CD109: variants seen among roughly 807,000 people sequenced by gnomAD.
CD109 encodes the protein CD109 molecule, also known as CD109 antigen.
A neutral mutation model predicts 165.8 loss-of-function variants in CD109; 149 were observed. The observed-to-expected ratio is 0.90, with a 90% CI of 0.79 to 1.03. CD109 has a LOEUF of 1.03. Ranked by LOEUF, CD109 falls within the 50% of genes least tolerant of loss-of-function variation. CD109 has a pLI of 0.00. For synonymous variants in CD109, 585 were observed against 592.1 expected (o/e 0.99, Z 0.18); for missense variants, 1,712 against 1,677.8 (o/e 1.02, Z -0.36).
chr6:73,709,080 C>A (rs1273501732), intron 2 of CD109, among the ~76,000 whole-genome samples: 4 of 152,194 alleles, frequency 2.6e-5, no homozygotes, highest in Admixed American at 6.5e-5. Context: ...TTCCCCATGC[C>A]TGTGTCCTGA....
In CD109 at chr6:73,714,731, G is replaced by A. The variant is rs1345876718; in HGVS notation, c.248-8520G>A. Reference sequence around the variant, plus strand: ...CACAAAATATTTTAGAGTTAGCTCCGCTACTGCAGTGCTTGGAGTATAACT... The same window carrying A: ...CACAAAATATTTTAGAGTTAGCTCCACTACTGCAGTGCTTGGAGTATAACT... On this transcript the variant is annotated intron_variant, in intron 2 of 32. Transcript: ENST00000287097. Among the ~76,000 whole-genome samples, 4 of 152,138 alleles carry A rather than the reference G, an allele frequency of 2.6e-5. No individual in the cohort carries two copies. The East Asian group carries it at 7.7e-4, about 29-fold the overall frequency.
chr6:73,691,756 T>C (rs1055613361), upstream of CD109, among the ~76,000 whole-genome samples: 1 of 152,196 alleles, frequency 6.6e-6, no homozygotes, highest in Non-Finnish European at 1.5e-5. Flanking sequence ...GCTCCCATGA[T>C]TGCTTAGGGT....
chr6:73,720,135 A>G (rs1189986900), intron 2 of CD109, among the ~76,000 whole-genome samples: 2 of 152,218 alleles, frequency 1.3e-5, no homozygotes, highest in Non-Finnish European at 2.9e-5. Context: ...AGTGTGGTAT[A>G]TATACGTAAT....
chr6:73,789,865 G>A (rs1326192579), intron 22 of CD109, among the ~76,000 whole-genome samples: 4 of 150,332 alleles, frequency 2.7e-5, no homozygotes, highest in Admixed American at 6.7e-5. Context: ...GGGTTCAAGC[G>A]AGTCTCCTGC....
chr6:73,782,716 A>AT lies in CD109; in HGVS notation c.2070dup (p.Pro691SerfsTer20), dbSNP rs1562065333. The AT allele has an allele frequency of 1.2e-6, 2 of 1,614,046 alleles. No individual in the cohort carries two copies. Among genetic ancestry groups the AT allele is most frequent in the Non-Finnish European group, 1.7e-6 (2 of 1,179,936 alleles). On this transcript the variant is annotated frameshift_variant, in exon 18 of 33. Coordinates refer to ENST00000287097, the MANE Select transcript of CD109 (RefSeq NM_133493.5). LOFTEE classifies it high-confidence loss of function. ...GGTAGCAGTCCACATGTCCGAAAGC[A>AT]TTTTCCAGAGACTTGGATTTGGCTA...
In CD109 at chr6:73,782,696, C is replaced by CA. The variant is rs1435011561; in HGVS notation, c.2047dup (p.Ser683LysfsTer28). ...ATATTCATGACTTTTCTTTGGGTAG[C>CA]AGTCCACATGTCCGAAAGCATTTTC... On this transcript the variant is annotated frameshift_variant, in exon 18 of 33. Transcript: ENST00000287097. LOFTEE classifies it high-confidence loss of function. 1.2e-6 allele frequency: 2 copies of CA among 1,613,770 alleles called. No individual in the cohort carries two copies. Among genetic ancestry groups the CA allele is most frequent in the Non-Finnish European group, 1.7e-6 (2 of 1,179,840 alleles).
At chr6:73,791,204 T>TATACACATACATATATAG (rs1582166217) in intron 22 of CD109, among the ~76,000 whole-genome samples, 1 of 122,834 alleles carries the variant, frequency 8.1e-6, no homozygotes. Context: ...TATATATATA[T>TATACACATACATATATAG]ATATATATAT....
intron 23 of CD109, among the ~76,000 whole-genome samples, chr6:73,795,676 G>GT (rs1171103396): frequency 6.6e-6 from 1 of 152,198 alleles, no homozygotes; most frequent in Admixed American, 6.5e-5. Context: ...CGCTACAGCT[G>GT]TAAGTAGGCG....
intron 2 of CD109, among the ~76,000 whole-genome samples, chr6:73,717,611 CTTTTTTTTTTTTT>C (rs779915655): frequency 8.0e-5 from 6 of 74,810 alleles, no homozygotes; most frequent in Admixed American, 5.4e-4. Context: ...TCTACTGATT[CTTTTTTTTTTTTT>C]TTTTTTTTTT....
At chr6:73,795,049 A>C (rs900881314) in intron 23 of CD109, among the ~76,000 whole-genome samples, 11 of 150,048 alleles carry the variant, frequency 7.3e-5, no homozygotes, top group Non-Finnish European at 1.6e-4. Context: ...GAGATAAGTA[A>C]AAATTATTTG....
chr6:73,801,039 A>G (rs1582181748), intron 23 of CD109, among the ~76,000 whole-genome samples: 2 of 152,326 alleles, frequency 1.3e-5, no homozygotes, highest in South Asian at 2.1e-4. Context: ...CTCTACACCT[A>G]TATTAGAGAG....
chr6:73,706,260 G>A (rs1771261767), intron 2 of CD109, among the ~76,000 whole-genome samples: 1 of 152,156 alleles, frequency 6.6e-6, no homozygotes, highest in Non-Finnish European at 1.5e-5. Flanking sequence ...TGGCAGACCA[G>A]AATGAGAAAC....
At chr6:73,802,559 A>G (rs1775406504) in intron 23 of CD109, among the ~76,000 whole-genome samples, 1 of 152,016 alleles carries the variant, frequency 6.6e-6, no homozygotes, top group African/African-American at 2.4e-5. Flanking sequence ...CTAGATGACT[A>G]AGCATTGAAA....
intron 26 of CD109, among the ~76,000 whole-genome samples, chr6:73,809,715 G>T (rs1426074882): frequency 6.6e-6 from 1 of 151,954 alleles, no homozygotes; most frequent in African/African-American, 2.4e-5. Flanking sequence ...AACAGAAATT[G>T]GACACACTTC....
Position 73,768,206 on chromosome 6 carries a change from C to G in CD109, c.1649C>G (p.Pro550Arg). The G allele has an allele frequency of 6.3e-7, 1 of 1,583,680 alleles. No homozygotes were observed. The highest frequency in any genetic ancestry group is 8.7e-7 in the Non-Finnish European group (1 of 1,154,510). ...ATTATAAGTGATGTTCTAAAAATTC[C>G]TGTTCAGCTTGTTTTTAAAAATAAG... ...GEIISDVLKIPVQLVFKNKIK... is the reference protein window; with the variant it reads ...GEIISDVLKIRVQLVFKNKIK... The change falls in exon 14 of 33, where the codon CCT (proline) becomes CGT (arginine). Residue 550 changes from proline to arginine, a missense_variant. By Grantham distance (103) the Pro-to-Arg change is moderately radical. Coordinates refer to ENST00000287097, the MANE Select transcript of CD109 (RefSeq NM_133493.5).
At chr6:73,804,416 A>C (rs1775491706) in intron 24 of CD109, among the ~76,000 whole-genome samples, 1 of 152,218 alleles carries the variant, frequency 6.6e-6, no homozygotes, top group African/African-American at 2.4e-5. Flanking sequence ...TAAGTATTTC[A>C]GGCATTTTGG....
Position 73,807,996 on chromosome 6 carries a change from T to G in CD109, c.3190-87T>G, listed in dbSNP as rs112847566. 155 of 1,202,694 alleles carry G rather than the reference T, an allele frequency of 1.3e-4. No individual in the cohort carries two copies. The African/African-American group carries it at 2.0e-3, about 15-fold the overall frequency. The allele number at this position is 1,202,694 out of a possible 1,614,324, so 74.5% of individuals were successfully genotyped here. A position where few individuals can be genotyped will look rare whatever the true frequency, so the allele number is the denominator to read the frequency against. On this transcript the variant is annotated intron_variant, in intron 25 of 32. Transcript: ENST00000287097. Reference sequence around the variant, plus strand: ...CTTCATAGACACTGAACTTATTTTTTAAATGCATGTTTCAAAGTACTTTTT... The same window carrying G: ...CTTCATAGACACTGAACTTATTTTTGAAATGCATGTTTCAAAGTACTTTTT...
At chr6:73,756,156 A>T (rs578184703) in intron 5 of CD109, among the ~76,000 whole-genome samples, 1 of 152,342 alleles carries the variant, frequency 6.6e-6, no homozygotes, top group East Asian at 1.9e-4. Flanking sequence ...AAAGTGAGGC[A>T]TGTTGTTCTA....
At chr6:73,769,364 A>T (rs1356647001) in intron 14 of CD109, among the ~76,000 whole-genome samples, 1 of 152,194 alleles carries the variant, frequency 6.6e-6, no homozygotes, top group Non-Finnish European at 1.5e-5. Flanking sequence ...GACAAAGGTG[A>T]ATTTTAAAGT....
Sources: gnomAD v4.1 joint callset for allele counts (sites outside exome capture counted in the v4.1 genomes callset) on GRCh38, gnomAD v4.1.1 for gene constraint, MANE v1.5 for transcripts, NCBI Gene and HGNC (gene_info 2026-07-23, HGNC 2026-07-21) for gene names.